NFAT5: variants seen among roughly 807,000 people sequenced by gnomAD.
The protein encoded by NFAT5 is nuclear factor of activated T-cells 5.
Under a neutral mutation model 166.5 loss-of-function variants are expected in NFAT5, and 31 were observed. That is an observed-to-expected ratio of 0.19 (90% confidence interval 0.14 to 0.25). The LOEUF (loss-of-function observed/expected upper bound fraction) is 0.25, where lower values mean the gene tolerates loss of function less well. Among genes scored for constraint, NFAT5 ranks in the 10% least tolerant of loss-of-function variants. The pLI is 1.00. For synonymous variants in NFAT5, 612 were observed against 639.7 expected, an observed-to-expected ratio of 0.96 and a Z score of 0.65; for missense variants, 1,449 against 1,821.8, an observed-to-expected ratio of 0.80 and a Z score of 3.72.
At chr16:69,606,479 A>T (rs1481298620) in intron 2 of NFAT5, among the ~76,000 whole-genome samples, 1 of 152,146 alleles carries the variant, frequency 6.6e-6, no homozygotes, top group Non-Finnish European at 1.5e-5. Context: ...AATTAATTTT[A>T]AATGTTTTTT....
chr16:69,610,531 T>C (rs1371595623), intron 2 of NFAT5, among the ~76,000 whole-genome samples: 2 of 152,162 alleles, frequency 1.3e-5, no homozygotes, highest in African/African-American at 2.4e-5. Context: ...GTAAGTAAAA[T>C]AGATGGCATT....
intron 2 of NFAT5, among the ~76,000 whole-genome samples, chr16:69,616,778 C>T (rs1359179756): frequency 2.0e-5 from 3 of 151,576 alleles, no homozygotes; most frequent in Non-Finnish European, 4.4e-5. Context: ...TCTTGCCCCT[C>T]TCATCCACTC....
At chr16:69,583,796 C>T (rs1196175188) in intron 2 of NFAT5, among the ~76,000 whole-genome samples, 4 of 152,120 alleles carry the variant, frequency 2.6e-5, no homozygotes, top group Admixed American at 2.6e-4. Context: ...ATGAATCCTA[C>T]ATCCAGAAAA....
At chr16:69,630,763 CAT>C (rs201852481) in intron 3 of NFAT5, among the ~76,000 whole-genome samples, 1,749 of 152,208 alleles carry the variant, frequency 0.011, 23 homozygotes, top group African/African-American at 0.037. Flanking sequence ...AGAATTAAAA[CAT>C]AGGTATTAGG....
intron 2 of NFAT5, among the ~76,000 whole-genome samples, chr16:69,579,474 G>A (rs963843508): frequency 6.6e-6 from 1 of 151,544 alleles, no homozygotes; most frequent in African/African-American, 2.4e-5. Context: ...TTTAAAACTA[G>A]GTAATTAGGT....
chr16:69,683,286 G>A (rs1278010631), intron 10 of NFAT5, among the ~76,000 whole-genome samples: 1 of 151,922 alleles, frequency 6.6e-6, no homozygotes, highest in Non-Finnish European at 1.5e-5. Context: ...AATCCCAGCA[G>A]TTAGGGTGTC....
intron 6 of NFAT5, among the ~76,000 whole-genome samples, 181 bp from the exon 7 acceptor site, chr16:69,659,546 G>A (rs935486075): frequency 3.9e-5 from 6 of 152,038 alleles, no homozygotes; most frequent in South Asian, 2.1e-4. Flanking sequence ...ACAGGATTAG[G>A]AACAGTGGTG....
rs945918292 is a variant in NFAT5 at position 69,588,980 on chromosome 16, CTTTTTTTTT to C, written c.127+20455_127+20463del. On this transcript the variant is annotated intron_variant, in intron 2 of 14. Coordinates refer to ENST00000349945, the MANE Select transcript of NFAT5 (RefSeq NM_138713.4). ...GACCCTCCCTCCTCTTTTCCTACTT[CTTTTTTTTT>C]TTTTTTTTTTTTTTTTTTTTTTGAG... Among the ~76,000 whole-genome samples, 260 of 34,372 alleles carry C rather than the reference CTTTTTTTTT, an allele frequency of 7.6e-3. 1 individual carries two copies. The highest frequency in any genetic ancestry group is 0.034 in the East Asian group (26 of 758). The allele number at this position is 34,372 out of a possible 152,430, so 22.5% of individuals were successfully genotyped here.
chr16:69,570,157 C>T (rs938832193), intron 2 of NFAT5, among the ~76,000 whole-genome samples: 4 of 152,070 alleles, frequency 2.6e-5, no homozygotes, highest in Admixed American at 2.0e-4. Flanking sequence ...TAAATACTTT[C>T]GTTAATTTTT....
At chr16:69,658,380 G>A (rs1336516302) in intron 6 of NFAT5, among the ~76,000 whole-genome samples, 1 of 151,724 alleles carries the variant, frequency 6.6e-6, no homozygotes, top group East Asian at 1.9e-4. Flanking sequence ...CTACTTGAGA[G>A]GTTGAGGCAG....
chr16:69,571,909 G>A (rs936599961), intron 2 of NFAT5, among the ~76,000 whole-genome samples: 1 of 151,972 alleles, frequency 6.6e-6, no homozygotes, highest in Non-Finnish European at 1.5e-5. Flanking sequence ...ACAGGCGACT[G>A]CCACCACGCC....
rs2036396691 is a variant in NFAT5 at position 69,666,717 on chromosome 16, G to A, written c.1370-3260G>A. 4.0e-5 allele frequency among the ~76,000 whole-genome samples: 6 copies of A among 151,732 alleles called. 1 individual carries two copies. Among genetic ancestry groups the A allele is most frequent in the African/African-American group, 1.4e-4 (6 of 41,460 alleles). ...GGAGAAATAGGAACACTTTTACACT[G>A]TTGGTGGGACTGTAAACTAGTTCAA... On this transcript the variant is annotated intron_variant, in intron 7 of 14. Coordinates refer to ENST00000349945, the MANE Select transcript of NFAT5 (RefSeq NM_138713.4).
intron 2 of NFAT5, among the ~76,000 whole-genome samples, 198 bp downstream of exon 2, chr16:69,568,746 T>A (rs1437564260): frequency 6.6e-6 from 1 of 152,198 alleles, no homozygotes; most frequent in African/African-American, 2.4e-5. Context: ...TTGGCTGTTC[T>A]ATCTGCTTTG....
At chr16:69,623,014 G>A (rs981165110) in intron 2 of NFAT5, among the ~76,000 whole-genome samples, 1 of 152,052 alleles carries the variant, frequency 6.6e-6, no homozygotes, top group East Asian at 1.9e-4. Flanking sequence ...GCATAGTGGT[G>A]TATGCCTATA....
At chr16:69,682,028 C>G (rs2037083335) in intron 10 of NFAT5, among the ~76,000 whole-genome samples, 2 of 151,964 alleles carry the variant, frequency 1.3e-5, no homozygotes, top group Non-Finnish European at 2.9e-5. Context: ...CCTGGTTCCA[C>G]ACATTCTTCC....
At chr16:69,609,835 A>AG (rs1217217672) in intron 2 of NFAT5, among the ~76,000 whole-genome samples, 2 of 148,954 alleles carry the variant, frequency 1.3e-5, no homozygotes, top group East Asian at 3.9e-4. Context: ...AAAAAAAAAA[A>AG]AAAAAAGAAA....
In NFAT5 at chr16:69,693,405, A is replaced by T. The variant is rs1251766986; in HGVS notation, c.3580A>T (p.Ser1194Cys). The part of the protein sequence containing the change: ...SISPLQSTSN[S>C]EQQAAFQQQA... ...TTCTCCACTTCAGTCAACATCAAACAGTGAACAACAAGCTGCTTTCCAACA... is the reference window on the plus strand; with the variant it reads ...TTCTCCACTTCAGTCAACATCAAACTGTGAACAACAAGCTGCTTTCCAACA... Residue 1194 changes from serine to cysteine, a missense_variant, in exon 13 of 15, where the codon AGT (serine) becomes TGT (cysteine). Around this residue, in one of 7 missense-constraint regions of NFAT5, gnomAD observed 891 missense variants for 993.0 expected, o/e 0.90. Transcript: ENST00000349945. 4 of 1,614,236 alleles carry T rather than the reference A, an allele frequency of 2.5e-6. No individual in the cohort carries two copies. In the South Asian group the frequency reaches 4.4e-5, roughly 18 times the overall value.
chr16:69,684,094 C>A (rs769326568), intron 10 of NFAT5, among the ~76,000 whole-genome samples: 23 of 150,784 alleles, frequency 1.5e-4, no homozygotes, highest in Non-Finnish European at 3.1e-4. Flanking sequence ...AGCGAAACTC[C>A]GTCTCAAATA....
intron 7 of NFAT5, among the ~76,000 whole-genome samples, chr16:69,663,521 G>A (rs1433206447): frequency 6.9e-6 from 1 of 144,164 alleles, no homozygotes; most frequent in Non-Finnish European, 1.5e-5. Flanking sequence ...AATCACTTGA[G>A]CCCAGGAGTT....
Sources: allele counts gnomAD v4.1 joint callset (sites outside exome capture counted in the v4.1 genomes callset), GRCh38; gene constraint gnomAD v4.1.1; regional missense constraint gnomAD v4.1.1; transcripts MANE v1.5; gene names NCBI Gene and HGNC (gene_info 2026-07-23, HGNC 2026-07-21).